The following SLC4A4 variants were observed in gnomAD, a reference collection of about 807,000 sequenced individuals.
The protein encoded by SLC4A4 is electrogenic sodium bicarbonate cotransporter 1.
A neutral mutation model predicts 111.5 loss-of-function variants in SLC4A4; 27 were observed. The observed-to-expected ratio is 0.24, with a 90% CI of 0.18 to 0.33. The LOEUF is 0.33. Among genes scored for constraint, SLC4A4 ranks in the 10% least tolerant of loss-of-function variants. The pLI is 1.00. For missense variants in SLC4A4, 909 were observed against 1,315.5 expected, an observed-to-expected ratio of 0.69 and a Z score of 4.78; for synonymous variants, 443 against 463.4, an observed-to-expected ratio of 0.96 and a Z score of 0.57.
chr4:71,228,055 A>C (rs1377956957), intron 1 of SLC4A4, among the ~76,000 whole-genome samples: 4 of 152,054 alleles, frequency 2.6e-5, no homozygotes, highest in Non-Finnish European at 5.9e-5. Flanking sequence ...AAGTCAGGGA[A>C]TGTCCTGAGG....
chr4:71,269,407 G>A (rs1181080142), intron 3 of SLC4A4, among the ~76,000 whole-genome samples: 1 of 152,212 alleles, frequency 6.6e-6, no homozygotes, highest in Non-Finnish European at 1.5e-5. Context: ...TTTCTGAAGG[G>A]TGTGGGCAGA....
chr4:71,561,682 A>T (rs16846599), intron 23 of SLC4A4, among the ~76,000 whole-genome samples: 1 of 151,920 alleles, frequency 6.6e-6, no homozygotes, highest in Non-Finnish European at 1.5e-5. Context: ...TCCAATGATG[A>T]CAGAAAAAGA....
At chr4:71,236,711 A>G in intron 2 of SLC4A4, 62 bp downstream of exon 2, 1 of 1,313,580 alleles carries the variant, frequency 7.6e-7, no homozygotes, top group Non-Finnish European at 1.1e-6. Flanking sequence ...AGATAATAAC[A>G]TTCATGCATT....
At chr4:71,371,331 C>T (rs1381999963) in intron 6 of SLC4A4, among the ~76,000 whole-genome samples, 4 of 148,142 alleles carry the variant, frequency 2.7e-5, no homozygotes, top group Non-Finnish European at 5.9e-5. Context: ...GCAACCTCTG[C>T]CTCCTGAGTT....
chr4:71,429,964 C>T (rs1723490741), intron 7 of SLC4A4, among the ~76,000 whole-genome samples: 1 of 151,848 alleles, frequency 6.6e-6, no homozygotes, highest in African/African-American at 2.4e-5. Context: ...TATTATTGTT[C>T]ACAGTTTATT....
chr4:71,331,940 T>C (rs1381258120), intron 3 of SLC4A4, among the ~76,000 whole-genome samples: 1 of 152,180 alleles, frequency 6.6e-6, no homozygotes, highest in Non-Finnish European at 1.5e-5. Context: ...GTCCATTTCT[T>C]CTAAGTTTCT....
In SLC4A4 at chr4:71,160,569, A is replaced by G. The variant is rs1744593697; in HGVS notation, c.-2+67777A>G. On this transcript the variant is annotated intron_variant, in intron 2 of 26. Coordinates refer to the SLC4A4 transcript ENST00000649996. The stretch of plus-strand genomic sequence containing the variant: ...AAACCAGAAATAAGGGGAAATGTGG[A>G]CAGAGGGAAAGGGGCGGTAATATGG... Among the ~76,000 whole-genome samples the G allele has an allele frequency of 2.0e-5, 3 of 152,084 alleles. No homozygotes were observed. In the South Asian group the frequency reaches 6.2e-4, roughly 32 times the overall value.
At chr4:71,154,688 T>G (rs190003016) in intron 2 of SLC4A4, among the ~76,000 whole-genome samples, 21 of 152,190 alleles carry the variant, frequency 1.4e-4, no homozygotes, top group Admixed American at 1.3e-3. Flanking sequence ...AAAATAGAAA[T>G]GCTAAAATAA....
At chr4:71,063,821 G>T (rs1026819315) in intron 1 of SLC4A4, among the ~76,000 whole-genome samples, 5 of 152,124 alleles carry the variant, frequency 3.3e-5, no homozygotes, top group African/African-American at 4.8e-5. Flanking sequence ...TATTTAATTT[G>T]TGATTGTGAA....
chr4:71,164,574 C>T (rs187416708), intron 2 of SLC4A4, among the ~76,000 whole-genome samples: 210 of 151,294 alleles, frequency 1.4e-3, no homozygotes, highest in Non-Finnish European at 2.2e-3. Flanking sequence ...CAAAAAAACC[C>T]GTAAGACCTA....
chr4:71,247,100 A>G (rs1720720828), intron 2 of SLC4A4, among the ~76,000 whole-genome samples: 1 of 151,796 alleles, frequency 6.6e-6, no homozygotes, highest in African/African-American at 2.4e-5. Flanking sequence ...TTATAGCCCT[A>G]TGGTATTATC....
intron 2 of SLC4A4, among the ~76,000 whole-genome samples, chr4:71,105,560 G>A (rs1286190728): frequency 6.7e-6 from 1 of 149,588 alleles, no homozygotes; most frequent in Non-Finnish European, 1.5e-5. Context: ...CATGGTACTG[G>A]TACCAAAACA....
intron 7 of SLC4A4, among the ~76,000 whole-genome samples, chr4:71,435,771 A>G (rs778510903): frequency 1.1e-4 from 17 of 152,272 alleles, no homozygotes; most frequent in Non-Finnish European, 2.5e-4. Flanking sequence ...ACACTTTTCA[A>G]AAGAAGACAT....
At chr4:71,471,175 C>T (rs1010113558) in intron 13 of SLC4A4, among the ~76,000 whole-genome samples, 17 of 151,968 alleles carry the variant, frequency 1.1e-4, no homozygotes, top group Admixed American at 2.0e-4. Context: ...CAGTAACTGT[C>T]TCAGCCAAGT....
intron 6 of SLC4A4, among the ~76,000 whole-genome samples, chr4:71,370,105 ATACTT>A (rs1405998021): frequency 2.0e-5 from 3 of 152,202 alleles, no homozygotes; most frequent in Non-Finnish European, 2.9e-5. Flanking sequence ...CAAATACTAA[ATACTT>A]TATGTTATGC....
chr4:71,339,757 G>A (rs1430122719), intron 4 of SLC4A4, among the ~76,000 whole-genome samples: 1 of 151,952 alleles, frequency 6.6e-6, no homozygotes, highest in African/African-American at 2.4e-5. Flanking sequence ...CTTTTATAAG[G>A]AATTAGAAAT....
At chr4:71,274,320 CA>C (rs1722915539) in intron 3 of SLC4A4, among the ~76,000 whole-genome samples, 1 of 152,006 alleles carries the variant, frequency 6.6e-6, no homozygotes, top group South Asian at 2.1e-4. Flanking sequence ...CTTGCTGTCT[CA>C]GGGGTGACAG....
intron 20 of SLC4A4, among the ~76,000 whole-genome samples, chr4:71,550,397 A>T (rs1190889938): frequency 6.6e-6 from 1 of 151,894 alleles, no homozygotes; most frequent in Non-Finnish European, 1.5e-5. Context: ...AGCTCATTTG[A>T]AAAGTCAATA....
At position 71,455,485 on chromosome 4, in the gene SLC4A4, T is replaced by A. The variant is rs900796399; in HGVS notation, c.1497+1816T>A. Among the ~76,000 whole-genome samples the A allele has an allele frequency of 2.0e-5, 3 of 152,068 alleles. No individual in the cohort carries two copies. The East Asian group carries it at 5.8e-4, about 29-fold the overall frequency. ...ACAGCGTAAGGATAACTAAAACAGATCGTTCAAGAAAAAAAATGGAGAAGA... is the reference window on the plus strand; with the variant it reads ...ACAGCGTAAGGATAACTAAAACAGAACGTTCAAGAAAAAAAATGGAGAAGA... On this transcript the variant is annotated intron_variant, in intron 12 of 25. Coordinates refer to ENST00000264485, the MANE Select transcript of SLC4A4 (RefSeq NM_001098484.3).
Sources: gnomAD v4.1 joint callset for allele counts (sites outside exome capture counted in the v4.1 genomes callset) on GRCh38, gnomAD v4.1.1 for gene constraint, MANE v1.5 for transcripts, NCBI Gene and HGNC (gene_info 2026-07-23, HGNC 2026-07-21) for gene names.